GAB1: variants seen among roughly 807,000 people sequenced by gnomAD.
The protein encoded by GAB1 is GRB2 associated binding protein 1, also known as GRB2-associated-binding protein 1.
Under a neutral mutation model 66.5 loss-of-function variants are expected in GAB1, and 19 were observed. The observed-to-expected ratio is 0.29, with a 90% CI of 0.20 to 0.42. The LOEUF is 0.42. Ranked by LOEUF, GAB1 falls within the 10% of genes least tolerant of loss-of-function variation. The pLI, the probability that GAB1 is intolerant of heterozygous loss-of-function variation, is 1.00. For synonymous variants in GAB1, 294 were observed against 301.4 expected (o/e 0.98, Z 0.25); for missense variants, 732 against 858.5 (o/e 0.85, Z 1.84).
chr4:143,431,122 CAGG>C (rs1733629876), intron 2 of GAB1, among the ~76,000 whole-genome samples: 1 of 152,144 alleles, frequency 6.6e-6, no homozygotes, highest in Non-Finnish European at 1.5e-5. Context: ...GCTACACAGA[CAGG>C]CAGAAGAAAA....
intron 1 of GAB1, among the ~76,000 whole-genome samples, chr4:143,348,287 A>C (rs1481744468): frequency 8.5e-4 from 130 of 152,234 alleles, no homozygotes; most frequent in Non-Finnish European, 3.5e-4. Context: ...TTCTCATTCC[A>C]GATCTATGGC....
intron 6 of GAB1, among the ~76,000 whole-genome samples, chr4:143,452,343 C>A (rs1236113793): frequency 1.3e-5 from 2 of 152,114 alleles, no homozygotes; most frequent in Admixed American, 6.6e-5. Context: ...TTAGAAGTGT[C>A]CTCCTCTGTA....
At chr4:143,342,188 G>A (rs1728843549) in intron 1 of GAB1, among the ~76,000 whole-genome samples, 2 of 151,814 alleles carry the variant, frequency 1.3e-5, no homozygotes, top group Non-Finnish European at 2.9e-5. Flanking sequence ...AACTCTCCAC[G>A]TGCAACTTGC....
intron 1 of GAB1, 100 bp downstream of exon 1, chr4:143,337,360 C>G (rs1581204127): frequency 1.0e-6 from 1 of 996,080 alleles, no homozygotes; most frequent in East Asian, 2.7e-5. Flanking sequence ...GGGGCTGGTT[C>G]TTAAACGAAT....
intron 4 of GAB1, 140 bp from the exon 5 acceptor site, chr4:143,439,662 A>G (rs1734119528): frequency 3.2e-6 from 2 of 632,422 alleles, no homozygotes; most frequent in African/African-American, 1.8e-5. Flanking sequence ...ACACAGTTCT[A>G]TGAGCATCCT....
At chr4:143,350,177 G>A in intron 1 of GAB1, 1 of 681,142 alleles carries the variant, frequency 1.5e-6, no homozygotes, top group East Asian at 2.7e-5. Context: ...CACTTTTTGT[G>A]TGCTCCTAAA....
chr4:143,398,227 A>C (rs1226470263), intron 1 of GAB1, among the ~76,000 whole-genome samples: 2 of 152,244 alleles, frequency 1.3e-5, no homozygotes, highest in East Asian at 3.8e-4. Context: ...GAACCTGCCA[A>C]AATTACCATA....
intron 1 of GAB1, among the ~76,000 whole-genome samples, chr4:143,375,728 A>G (rs1474524576): frequency 6.6e-6 from 1 of 152,214 alleles, no homozygotes; most frequent in Non-Finnish European, 1.5e-5. Context: ...TTGTTACTCT[A>G]CAGTGGGACT....
chr4:143,457,769 G>GGT, intron 6 of GAB1: 1 of 1,525,664 alleles, frequency 6.6e-7, no homozygotes, highest in Non-Finnish European at 8.9e-7. Flanking sequence ...AAGAAGAAAG[G>GGT]GTATGTACTT....
At chr4:143,351,006 A>C (rs975630699) in intron 1 of GAB1, among the ~76,000 whole-genome samples, 1 of 152,128 alleles carries the variant, frequency 6.6e-6, no homozygotes, top group Non-Finnish European at 1.5e-5. Context: ...TCAAACCTCT[A>C]GGGGAGCATA....
chr4:143,452,972 A>G (rs1279447923), intron 6 of GAB1, among the ~76,000 whole-genome samples: 4 of 152,206 alleles, frequency 2.6e-5, no homozygotes, highest in African/African-American at 4.8e-5. Flanking sequence ...AGCAATCAGT[A>G]AAACATTGGC....
rs750533098 is a variant in GAB1 at position 143,438,107 on chromosome 4, C to G, written c.702C>G (p.Gly234=). Residue 234 remains glycine, a synonymous_variant, in exon 4 of 10, where the codon GGC becomes GGG. Coordinates refer to ENST00000262994, the MANE Select transcript of GAB1 (RefSeq NM_002039.4). ...CCCAGAGCAAACATGGAATGAATGG[C>G]TTTTTTCAGCAGCAAATGATATACG... The part of the protein sequence containing the change: ...ASSQSKHGMN[G]FFQQQMIYDS... The G allele has an allele frequency of 1.2e-6, 2 of 1,613,996 alleles. No homozygotes were observed. Among genetic ancestry groups the G allele is most frequent in the South Asian group, 2.2e-5 (2 of 91,070 alleles).
chr4:143,455,581 C>T (rs1735143413), intron 6 of GAB1, among the ~76,000 whole-genome samples: 1 of 152,116 alleles, frequency 6.6e-6, no homozygotes, highest in African/African-American at 2.4e-5. Flanking sequence ...AGGTCAAGAG[C>T]AGCAAACCAA....
chr4:143,395,679 A>G (rs937098315), intron 1 of GAB1: 3 of 318,458 alleles, frequency 9.4e-6, no homozygotes, highest in Middle Eastern at 1.1e-3. Context: ...ACTTTATTCT[A>G]TTATAAAAGG....
chr4:143,431,206 C>T (rs1405556650), intron 2 of GAB1, among the ~76,000 whole-genome samples: 5 of 152,148 alleles, frequency 3.3e-5, no homozygotes, highest in African/African-American at 1.2e-4. Context: ...ATTAGGAAAA[C>T]ATGAAGCTTC....
At chr4:143,411,155 C>T (rs1008391259) in intron 1 of GAB1, among the ~76,000 whole-genome samples, 8 of 151,926 alleles carry the variant, frequency 5.3e-5, no homozygotes, top group Non-Finnish European at 1.2e-4. Context: ...GGAGATGGGG[C>T]GGGAGTTGAT....
At chr4:143,450,148 T>C (rs1294954556) in intron 6 of GAB1, among the ~76,000 whole-genome samples, 4 of 152,204 alleles carry the variant, frequency 2.6e-5, no homozygotes, top group Non-Finnish European at 4.4e-5. Context: ...TGTGGGGTTT[T>C]TTCCTCTCAA....
intron 7 of GAB1, 149 bp from the exon 8 acceptor site, chr4:143,460,215 T>G (rs1578752452): frequency 1.6e-6 from 1 of 641,140 alleles, no homozygotes; most frequent in East Asian, 2.9e-5. Context: ...TACACAAAAA[T>G]TACATCATTA....
intron 1 of GAB1, among the ~76,000 whole-genome samples, chr4:143,338,041 C>G (rs1197235504): frequency 3.9e-5 from 6 of 152,104 alleles, no homozygotes; most frequent in Admixed American, 3.9e-4. Context: ...GGTCCTTTCC[C>G]AGGGAACCAG....
Sources: allele counts gnomAD v4.1 joint callset (sites outside exome capture counted in the v4.1 genomes callset), GRCh38; gene constraint gnomAD v4.1.1; transcripts MANE v1.5; gene names NCBI Gene and HGNC (gene_info 2026-07-23, HGNC 2026-07-21).